Variants in TMEM182 observed in about 807,000 individuals in gnomAD.
TMEM182 encodes the protein transmembrane protein 182.
In TMEM182, 20 loss-of-function variants were observed where a neutral mutation model predicts 26.8. That is an observed-to-expected ratio of 0.75 (90% CI 0.53 to 1.09). The LOEUF is 1.09. Among genes scored for constraint, TMEM182 ranks in the 50% least tolerant of loss-of-function variants. TMEM182 has a pLI of 0.00. For synonymous variants in TMEM182, 109 were observed against 102.2 expected, an observed-to-expected ratio of 1.07 and a Z score of -0.40; for missense variants, 277 against 275.5, an observed-to-expected ratio of 1.01 and a Z score of -0.04.
chr2:102,828,788 A>C (rs1422523564), intron 3 of TMEM182, among the ~76,000 whole-genome samples: 2 of 152,150 alleles, frequency 1.3e-5, no homozygotes, highest in South Asian at 2.1e-4. Context: ...GCTGCTGGGA[A>C]GTTTTTGCCC....
At chr2:102,784,546 G>A (rs901500604) in intron 3 of TMEM182, among the ~76,000 whole-genome samples, 5 of 152,166 alleles carry the variant, frequency 3.3e-5, no homozygotes, top group African/African-American at 1.2e-4. Flanking sequence ...CAAGAGGGGG[G>A]TTTTTGGGTC....
intron 3 of TMEM182, among the ~76,000 whole-genome samples, chr2:102,766,701 A>G (rs1294461151): frequency 6.6e-6 from 1 of 152,194 alleles, no homozygotes; most frequent in African/African-American, 2.4e-5. Context: ...TAGAGCTACT[A>G]TTAAGTTTCA....
At chr2:102,753,115 C>T (rs781382856) in intron 1 of TMEM182, among the ~76,000 whole-genome samples, 7 of 152,158 alleles carry the variant, frequency 4.6e-5, no homozygotes, top group Non-Finnish European at 8.8e-5. Flanking sequence ...ACTCTTTGGT[C>T]CCCAGTTTTG....
chr2:102,767,367 TC>T (rs1680495982), intron 3 of TMEM182, among the ~76,000 whole-genome samples: 3 of 152,172 alleles, frequency 2.0e-5, no homozygotes, highest in African/African-American at 7.2e-5. Context: ...CTTGTGTACT[TC>T]TAAGTGCATT....
chr2:102,839,470 T>TATATATATATATATATATATAA (rs1177507950), intron 3 of TMEM182, among the ~76,000 whole-genome samples: 1 of 140,376 alleles, frequency 7.1e-6, no homozygotes, highest in African/African-American at 2.7e-5. Flanking sequence ...TATATATATA[T>TATATATATATATATATATATAA]AATATATACA....
intron 3 of TMEM182, among the ~76,000 whole-genome samples, chr2:102,790,668 A>G (rs1681597840): frequency 6.6e-6 from 1 of 152,116 alleles, no homozygotes; most frequent in Non-Finnish European, 1.5e-5. Flanking sequence ...TTCCTTCCTG[A>G]AGGATTTTTA....
At chr2:102,772,050 G>A (rs986505451) in intron 3 of TMEM182, among the ~76,000 whole-genome samples, 1 of 152,146 alleles carries the variant, frequency 6.6e-6, no homozygotes, top group African/African-American at 2.4e-5. Flanking sequence ...TGCTTACACT[G>A]TGTGCTCAGC....
At chr2:102,788,002 C>G (rs1259793028) in intron 3 of TMEM182, among the ~76,000 whole-genome samples, 1 of 152,168 alleles carries the variant, frequency 6.6e-6, no homozygotes, top group African/African-American at 2.4e-5. Context: ...CTTTCTTAAT[C>G]TGGCTGCATA....
At chr2:102,785,696 C>T (rs559337879) in intron 3 of TMEM182, among the ~76,000 whole-genome samples, 8 of 152,122 alleles carry the variant, frequency 5.3e-5, no homozygotes, top group South Asian at 2.1e-4. Context: ...ATACAGAAAT[C>T]GTAGAAACTA....
At chr2:102,737,681 T>G (rs566987102) in intron 1 of TMEM182, among the ~76,000 whole-genome samples, 1 of 152,198 alleles carries the variant, frequency 6.6e-6, no homozygotes, top group African/African-American at 2.4e-5. Flanking sequence ...TAACAGAGAT[T>G]TGGGGTTTAT....
Position 102,798,790 on chromosome 2 carries a change from A to G in TMEM182, c.469+790A>G, listed in dbSNP as rs576953054. ...CGGGAGGCGGAGGTTGCATTGAGCGAGATTGTGCCACTGCACTTCAGCCTG... is the reference window on the plus strand; with the variant it reads ...CGGGAGGCGGAGGTTGCATTGAGCGGGATTGTGCCACTGCACTTCAGCCTG... On this transcript the variant is annotated intron_variant, in intron 4 of 4. Coordinates refer to ENST00000412401, the MANE Select transcript of TMEM182 (RefSeq NM_144632.5). 3.2e-4 allele frequency among the ~76,000 whole-genome samples: 49 copies of G among 152,172 alleles called. 1 individual carries two copies. The highest frequency in any genetic ancestry group is 8.5e-4 in the Admixed American group (13 of 15,292).
chr2:102,777,825 C>A (rs557397788), intron 3 of TMEM182, among the ~76,000 whole-genome samples: 3 of 148,226 alleles, frequency 2.0e-5, no homozygotes, highest in Admixed American at 2.0e-4. Flanking sequence ...TCCAGTACTA[C>A]GTTTCTGTCA....
intron 3 of TMEM182, among the ~76,000 whole-genome samples, chr2:102,828,722 A>G (rs1683092164): frequency 1.3e-5 from 2 of 152,152 alleles, no homozygotes; most frequent in African/African-American, 2.4e-5. Context: ...CTACCCCACA[A>G]TAGGAGCTCA....
chr2:102,774,422 ATT>A (rs202082656), intron 3 of TMEM182, among the ~76,000 whole-genome samples: 6 of 140,822 alleles, frequency 4.3e-5, no homozygotes, highest in Non-Finnish European at 3.1e-5. Context: ...TGCCTGGCTA[ATT>A]TTTTTTTTTT....
At chr2:102,843,741 T>G (rs1277400439) in exon 4 of TMEM182, 2 of 152,246 alleles carry the variant, frequency 1.3e-5, no homozygotes, top group Non-Finnish European at 2.9e-5. Context: ...GTTTAAAAGT[T>G]TCTCTCCTAC....
At chr2:102,774,073 A>G (rs1205588640) in intron 3 of TMEM182, among the ~76,000 whole-genome samples, 3 of 152,114 alleles carry the variant, frequency 2.0e-5, no homozygotes, top group African/African-American at 7.2e-5. Context: ...CCATCACACA[A>G]ATGTAATAAT....
chr2:102,764,296 T>A (rs972603228), intron 2 of TMEM182, 33 bp from the exon 3 acceptor site: 43 of 1,603,056 alleles, frequency 2.7e-5, no homozygotes, highest in Non-Finnish European at 3.6e-5. Context: ...AGCTTTTCAA[T>A]AACAAGTGCC....
chr2:102,758,609 C>A, upstream of TMEM182: 2 of 647,702 alleles, frequency 3.1e-6, no homozygotes, highest in South Asian at 1.8e-5. Context: ...CCAAGCTGGG[C>A]CAGATCAGCA....
At chr2:102,738,771 C>T (rs1679457154) in intron 1 of TMEM182, among the ~76,000 whole-genome samples, 1 of 152,116 alleles carries the variant, frequency 6.6e-6, no homozygotes, top group South Asian at 2.1e-4. Flanking sequence ...AATATGTTAG[C>T]TTGTGCAGCT....
Sources: allele counts gnomAD v4.1 joint callset (sites outside exome capture counted in the v4.1 genomes callset), GRCh38; gene constraint gnomAD v4.1.1; transcripts MANE v1.5; gene names NCBI Gene and HGNC (gene_info 2026-07-23, HGNC 2026-07-21).